Variants in FAM135B observed in about 807,000 individuals in gnomAD.
The protein encoded by FAM135B is protein FAM135B.
FAM135B carries 43 observed loss-of-function variants against 127.7 expected under a neutral mutation model. The ratio of observed to expected loss-of-function variants is 0.34; its 90% confidence interval spans 0.26 to 0.43. FAM135B has a LOEUF of 0.43. Among genes scored for constraint, FAM135B ranks in the 20% least tolerant of loss-of-function variants. FAM135B has a pLI of 1.00. For missense variants in FAM135B, 1,558 were observed against 1,725.6 expected (o/e 0.90, Z 1.72); for synonymous variants, 670 against 665.1 (o/e 1.01, Z -0.11).
At chr8:138,260,572 T>A (rs1372218725) in intron 4 of FAM135B, among the ~76,000 whole-genome samples, 1 of 152,192 alleles carries the variant, frequency 6.6e-6, no homozygotes, top group Admixed American at 6.5e-5. Context: ...GCCCATTTCA[T>A]GGCCAAATCT....
intron 2 of FAM135B, among the ~76,000 whole-genome samples, chr8:138,311,239 C>T (rs1463929883): frequency 6.6e-6 from 1 of 152,148 alleles, no homozygotes; most frequent in Non-Finnish European, 1.5e-5. Context: ...TTTATTTAGT[C>T]AAGAAAGGTT....
intron 16 of FAM135B, among the ~76,000 whole-genome samples, chr8:138,142,160 T>C (rs1034248633): frequency 2.6e-5 from 4 of 152,180 alleles, no homozygotes; most frequent in African/African-American, 9.7e-5. Context: ...TGTCTACATA[T>C]TCAATTGCAT....
intron 1 of FAM135B, among the ~76,000 whole-genome samples, chr8:138,418,629 T>G (rs964839220): frequency 1.3e-5 from 2 of 152,002 alleles, no homozygotes; most frequent in African/African-American, 4.8e-5. Context: ...CAGAAGAGAT[T>G]GAAAGCATAT....
At chr8:138,250,359 A>G (rs1821606354) in intron 6 of FAM135B, among the ~76,000 whole-genome samples, 1 of 152,168 alleles carries the variant, frequency 6.6e-6, no homozygotes, top group Non-Finnish European at 1.5e-5. Flanking sequence ...ATCTCATATA[A>G]GTAAATAAAC....
chr8:138,155,970 C>T (rs4292736), intron 12 of FAM135B, among the ~76,000 whole-genome samples: 28,971 of 152,112 alleles, frequency 0.19, 2,773 homozygotes, highest in East Asian at 0.24. Flanking sequence ...CAGAACTCTC[C>T]ACCCCAAATC....
chr8:138,257,316 T>G (rs1386398189), intron 4 of FAM135B, among the ~76,000 whole-genome samples: 4 of 152,234 alleles, frequency 2.6e-5, no homozygotes, highest in East Asian at 1.9e-4. Flanking sequence ...TTCTTCATTT[T>G]TGTCTTGAAA....
chr8:138,494,296 T>C (rs190530105), intron 1 of FAM135B, among the ~76,000 whole-genome samples: 8 of 152,310 alleles, frequency 5.3e-5, no homozygotes, highest in Admixed American at 3.3e-4. Context: ...GCTCATTCAC[T>C]CATTCAACAA....
At chr8:138,236,948 G>T (rs562909639) in intron 7 of FAM135B, among the ~76,000 whole-genome samples, 2 of 152,194 alleles carry the variant, frequency 1.3e-5, no homozygotes, top group East Asian at 3.9e-4. Context: ...AAATAAATGA[G>T]CACATGTACT....
At chr8:138,221,434 C>A (rs1431528595) in intron 7 of FAM135B, among the ~76,000 whole-genome samples, 1 of 152,132 alleles carries the variant, frequency 6.6e-6, no homozygotes, top group Non-Finnish European at 1.5e-5. Context: ...TCAGCAGGCC[C>A]CACCTCCAAC....
intron 5 of FAM135B, among the ~76,000 whole-genome samples, chr8:138,253,093 G>A (rs1256029220): frequency 2.6e-5 from 4 of 152,086 alleles, no homozygotes; most frequent in Non-Finnish European, 4.4e-5. Context: ...GAGCCACCTT[G>A]CCTGGCCAAG....
intron 7 of FAM135B, among the ~76,000 whole-genome samples, chr8:138,237,441 G>A (rs565589920): frequency 3.9e-5 from 6 of 152,142 alleles, no homozygotes; most frequent in Admixed American, 2.0e-4. Flanking sequence ...GACTACAGGC[G>A]TGAGCCACAG....
At chr8:138,300,768 T>C (rs958318203) in intron 3 of FAM135B, among the ~76,000 whole-genome samples, 1 of 147,526 alleles carries the variant, frequency 6.8e-6, no homozygotes, top group Non-Finnish European at 1.5e-5. Context: ...TTTTTTTTTT[T>C]AGAGACTGAG....
intron 7 of FAM135B, among the ~76,000 whole-genome samples, chr8:138,219,224 C>A (rs1346406139): frequency 6.6e-6 from 1 of 152,164 alleles, no homozygotes; most frequent in Non-Finnish European, 1.5e-5. Flanking sequence ...TTATGCGTAA[C>A]ATGGGAGATA....
At chr8:138,421,049 C>T (rs747986695) in intron 1 of FAM135B, among the ~76,000 whole-genome samples, 3 of 152,166 alleles carry the variant, frequency 2.0e-5, no homozygotes, top group Non-Finnish European at 4.4e-5. Context: ...CAGTGGCTCA[C>T]GCCTGTAATC....
chr8:138,408,248 A>T (rs11989910), intron 1 of FAM135B, among the ~76,000 whole-genome samples: 58,732 of 152,034 alleles, frequency 0.39, 11,913 homozygotes, highest in African/African-American at 0.52. Flanking sequence ...AAGGCTGTTT[A>T]TATCTACACT....
chr8:138,184,698 CAG>C (rs2131031619), intron 9 of FAM135B, among the ~76,000 whole-genome samples: 1 of 152,250 alleles, frequency 6.6e-6, no homozygotes, highest in South Asian at 2.1e-4. Flanking sequence ...CACGGCATGG[CAG>C]AGGGGGACCA....
At chr8:138,252,669 C>A (rs554158608) in intron 5 of FAM135B, among the ~76,000 whole-genome samples, 1 of 152,238 alleles carries the variant, frequency 6.6e-6, no homozygotes, top group South Asian at 2.1e-4. Flanking sequence ...ATAAACTTGA[C>A]TGCACTGATA....
At chr8:138,340,286 A>C (rs1828952400) in intron 2 of FAM135B, among the ~76,000 whole-genome samples, 1 of 152,078 alleles carries the variant, frequency 6.6e-6, no homozygotes, top group Admixed American at 6.6e-5. Flanking sequence ...GAACGATACA[A>C]ACAGAAAGAA....
chr8:138,269,050 T>C (rs186223306), intron 3 of FAM135B, among the ~76,000 whole-genome samples: 13 of 152,294 alleles, frequency 8.5e-5, no homozygotes, highest in Admixed American at 7.8e-4. Context: ...AGAGGAACTC[T>C]TCAGGTTTCA....
Sources: gnomAD v4.1 joint callset for allele counts (sites outside exome capture counted in the v4.1 genomes callset) on GRCh38, gnomAD v4.1.1 for gene constraint, MANE v1.5 for transcripts, NCBI Gene and HGNC (gene_info 2026-07-23, HGNC 2026-07-21) for gene names.